Variants in VPS13B observed in about 807,000 individuals in gnomAD.
The protein encoded by VPS13B is vacuolar protein sorting 13 homolog B.
In VPS13B, 285 loss-of-function variants were observed where a neutral mutation model predicts 426.4. The ratio of observed to expected loss-of-function variants is 0.67; its 90% CI spans 0.61 to 0.74. VPS13B has a LOEUF of 0.74. Ranked by LOEUF, VPS13B falls within the 30% of genes least tolerant of loss-of-function variation. VPS13B has a pLI of 0.00. For missense variants in VPS13B, 4,537 were observed against 4,782.6 expected, an observed-to-expected ratio of 0.95 and a Z score of 1.51; for synonymous variants, 1,676 against 1,676.4, an observed-to-expected ratio of 1.00 and a Z score of 0.01.
rs1242661261 is a variant in VPS13B at position 99,156,542 on chromosome 8, T to A, written c.2014-7T>A. 1.2e-6 allele frequency: 2 copies of A among 1,613,772 alleles called. No individual in the cohort carries two copies. The highest frequency in any genetic ancestry group is 1.7e-6 in the Non-Finnish European group (2 of 1,179,800). On this transcript the variant is annotated splice_polypyrimidine_tract_variant and splice_region_variant and intron_variant, in intron 14 of 61. Coordinates refer to ENST00000357162, the MANE Select transcript of VPS13B (RefSeq NM_152564.5). The stretch of plus-strand genomic sequence containing the variant: ...TAAAATATAAAGCGAACACTATTAT[T>A]TTCTAGAACTCAAGTAACTTCATGA...
chr8:99,447,899 G>A (rs914961513), intron 23 of VPS13B, among the ~76,000 whole-genome samples: 6 of 151,476 alleles, frequency 4.0e-5, no homozygotes, highest in African/African-American at 1.5e-4. Flanking sequence ...TTTTATAAAA[G>A]GACCGATATA....
chr8:99,133,688 G>C (rs1329644918), intron 8 of VPS13B, among the ~76,000 whole-genome samples: 5 of 152,022 alleles, frequency 3.3e-5, no homozygotes, highest in African/African-American at 4.8e-5. Flanking sequence ...TCTGTCTCAG[G>C]AAATAGGCCC....
intron 58 of VPS13B, among the ~76,000 whole-genome samples, chr8:99,862,364 C>T (rs1021034449): frequency 3.3e-5 from 5 of 152,168 alleles, no homozygotes; most frequent in South Asian, 4.1e-4. Flanking sequence ...GAGCAACATG[C>T]AAATGTCACG....
At chr8:99,692,518 A>T (rs1831727362) in intron 35 of VPS13B, among the ~76,000 whole-genome samples, 1 of 149,256 alleles carries the variant, frequency 6.7e-6, no homozygotes, top group Non-Finnish European at 1.5e-5. Flanking sequence ...ACAACATACC[A>T]GAATCTCTGG....
intron 28 of VPS13B, chr8:99,507,661 AATT>A: frequency 6.4e-7 from 1 of 1,551,314 alleles, no homozygotes; most frequent in Non-Finnish European, 8.8e-7. Context: ...CTCAAACCTA[AATT>A]TATACAAACT....
At chr8:99,485,163 C>T (rs1820238698) in intron 25 of VPS13B, among the ~76,000 whole-genome samples, 1 of 152,154 alleles carries the variant, frequency 6.6e-6, no homozygotes, top group African/African-American at 2.4e-5. Context: ...CTAATTATGT[C>T]ATTTCAATTC....
intron 33 of VPS13B, among the ~76,000 whole-genome samples, chr8:99,638,817 T>C (rs1247209482): frequency 6.6e-6 from 1 of 152,164 alleles, no homozygotes; most frequent in Non-Finnish European, 1.5e-5. Flanking sequence ...TTTCTTTATA[T>C]CGTAACAATC....
chr8:99,524,014 A>ATC, intron 30 of VPS13B, among the ~76,000 whole-genome samples: 1 of 152,132 alleles, frequency 6.6e-6, no homozygotes, highest in Non-Finnish European at 1.5e-5. Flanking sequence ...GGAATTCAGA[A>ATC]TTGTATCAGA....
intron 5 of VPS13B, among the ~76,000 whole-genome samples, chr8:99,108,659 C>A (rs1202470471): frequency 6.6e-6 from 1 of 151,976 alleles, no homozygotes; most frequent in African/African-American, 2.4e-5. Flanking sequence ...ATGCCAGTAC[C>A]GTACTGTTTT....
At chr8:99,082,442 G>C (rs1845537899) in intron 3 of VPS13B, among the ~76,000 whole-genome samples, 1 of 152,082 alleles carries the variant, frequency 6.6e-6, no homozygotes, top group South Asian at 2.1e-4. Context: ...GGTTTCTTTT[G>C]CTGTGCAGAA....
chr8:99,835,254 A>T lies in VPS13B; in HGVS notation c.9672A>T (p.Glu3224Asp). Residue 3224 changes from glutamate (E) to aspartate (D), a missense_variant, in exon 53 of 62, where the codon GAA (glutamate) becomes GAT (aspartate). Physicochemically the swap from Glu to Asp is conservative, Grantham distance 45. This residue lies in a region of VPS13B where 4,311 missense variants were observed against 4,474.3 expected (regional missense o/e 0.96). Transcript: ENST00000357162. Reference protein sequence around the residue: ...HLGVTYLTLSEDPSPRVIIHN... With the variant: ...HLGVTYLTLSDDPSPRVIIHN... ...GAGTGACTTATTTAACCCTCTCAGA[A>T]GACCCTAGTCCTCGAGTAATTATCC... The T allele has an allele frequency of 6.2e-7, 1 of 1,614,012 alleles. No homozygotes were observed. The highest frequency in any genetic ancestry group is 8.5e-7 in the Non-Finnish European group (1 of 1,179,932).
At chr8:99,752,778 G>T (rs183508447) in intron 39 of VPS13B, among the ~76,000 whole-genome samples, 1 of 152,300 alleles carries the variant, frequency 6.6e-6, no homozygotes, top group East Asian at 1.9e-4. Context: ...ACCTCTGAAT[G>T]TAAAACTTGA....
At chr8:99,071,593 T>G (rs1236815960) in intron 3 of VPS13B, among the ~76,000 whole-genome samples, 1 of 152,160 alleles carries the variant, frequency 6.6e-6, no homozygotes, top group East Asian at 1.9e-4. Flanking sequence ...TGTTGTTCAT[T>G]TAAGGCACAG....
At chr8:99,765,016 C>T (rs898391238) in intron 39 of VPS13B, among the ~76,000 whole-genome samples, 2 of 152,088 alleles carry the variant, frequency 1.3e-5, no homozygotes, top group Non-Finnish European at 2.9e-5. Flanking sequence ...GAGGCTGAAG[C>T]AGGTGGATCA....
chr8:99,597,886 G>A (rs1026352829), intron 33 of VPS13B, among the ~76,000 whole-genome samples: 19 of 152,006 alleles, frequency 1.2e-4, no homozygotes, highest in Non-Finnish European at 4.4e-5. Context: ...AAAATACTGA[G>A]CACACAATGG....
At chr8:99,159,993 T>C (rs1348431371) in intron 15 of VPS13B, among the ~76,000 whole-genome samples, 1 of 152,148 alleles carries the variant, frequency 6.6e-6, no homozygotes, top group Non-Finnish European at 1.5e-5. Flanking sequence ...TATAAGTTTT[T>C]TTTTTTGACA....
intron 8 of VPS13B, among the ~76,000 whole-genome samples, chr8:99,132,276 A>C (rs1161465814): frequency 6.6e-6 from 1 of 152,158 alleles, no homozygotes; most frequent in African/African-American, 2.4e-5. Context: ...TATACAGAAC[A>C]TTCTAAATTC....
At chr8:99,628,791 G>C (rs898166211) in intron 33 of VPS13B, among the ~76,000 whole-genome samples, 1 of 150,596 alleles carries the variant, frequency 6.6e-6, no homozygotes, top group African/African-American at 2.4e-5. Context: ...TTTTTTTTAA[G>C]GGGGCAGACA....
chr8:99,188,519 G>C (rs12680054), intron 16 of VPS13B, among the ~76,000 whole-genome samples: 125,635 of 152,110 alleles, frequency 0.83, 52,396 homozygotes, highest in South Asian at 0.89. Flanking sequence ...GCTAAGAATA[G>C]TGCCGCAATG....
Sources: gnomAD v4.1 joint callset for allele counts (sites outside exome capture counted in the v4.1 genomes callset) on GRCh38, gnomAD v4.1.1 for gene constraint, gnomAD v4.1.1 regional missense constraint, MANE v1.5 for transcripts, NCBI Gene and HGNC (gene_info 2026-07-23, HGNC 2026-07-21) for gene names.